Variants in LRRC4C observed in about 807,000 individuals in gnomAD.
The protein encoded by LRRC4C is leucine-rich repeat-containing protein 4C.
In LRRC4C, 5 loss-of-function variants were observed where a neutral mutation model predicts 33.6. That is an observed-to-expected ratio of 0.15 (90% CI 0.08 to 0.31). The LOEUF (loss-of-function observed/expected upper bound fraction) is 0.31, where lower values mean the gene tolerates loss of function less well. Ranked by LOEUF, LRRC4C falls within the 10% of genes least tolerant of loss-of-function variation. LRRC4C has a pLI of 1.00. For synonymous variants in LRRC4C, 329 were observed against 302.0 expected, an observed-to-expected ratio of 1.09 and a Z score of -0.93; for missense variants, 560 against 796.7, an observed-to-expected ratio of 0.70 and a Z score of 3.58.
Position 40,573,693 on chromosome 11 carries a change from AGTACATTACACAT to A in LRRC4C, c.-270+74436_-270+74448del, listed in dbSNP as rs796953876. Among the ~76,000 whole-genome samples, 10 of 152,330 alleles carry A rather than the reference AGTACATTACACAT, an allele frequency of 6.6e-5. No individual in the cohort carries two copies. In the South Asian group the frequency reaches 1.0e-3, roughly 16 times the overall value. On this transcript the variant is annotated intron_variant, in intron 3 of 6. Coordinates refer to ENST00000528697, the MANE Select transcript of LRRC4C (RefSeq NM_001258419.2). ...CCAACAAACAGGGAGCACCTAGCAC[AGTACATTACACAT>A]GAAAGATTGGCAATAAATGTATCCT...
intron 1 of LRRC4C, among the ~76,000 whole-genome samples, chr11:41,040,979 C>T (rs1416844981): frequency 6.6e-6 from 1 of 152,068 alleles, no homozygotes; most frequent in Non-Finnish European, 1.5e-5. Flanking sequence ...ACCATCACAC[C>T]ACCTGGGTTT....
chr11:40,395,311 T>A (rs1164603148), intron 3 of LRRC4C, among the ~76,000 whole-genome samples: 2 of 152,150 alleles, frequency 1.3e-5, no homozygotes, highest in Non-Finnish European at 2.9e-5. Flanking sequence ...ACTCCTACTT[T>A]GAGAGATCCT....
At chr11:41,089,587 A>G (rs542899966) in intron 1 of LRRC4C, among the ~76,000 whole-genome samples, 5 of 150,924 alleles carry the variant, frequency 3.3e-5, no homozygotes, top group African/African-American at 9.9e-5. Context: ...TAAATCTATA[A>G]TTTTTGTAAA....
intron 3 of LRRC4C, among the ~76,000 whole-genome samples, chr11:40,353,853 C>G (rs753011289): frequency 2.6e-5 from 4 of 152,134 alleles, no homozygotes; most frequent in Non-Finnish European, 5.9e-5. Flanking sequence ...TCACTGGCAC[C>G]TTATTTATTT....
chr11:41,136,462 A>T (rs1416945497), intron 1 of LRRC4C, among the ~76,000 whole-genome samples: 1 of 152,308 alleles, frequency 6.6e-6, no homozygotes, highest in East Asian at 1.9e-4. Context: ...AGTTTCCAGG[A>T]CACATTAAAT....
intron 2 of LRRC4C, among the ~76,000 whole-genome samples, chr11:40,678,072 A>C (rs146372542): frequency 5.5e-4 from 83 of 152,020 alleles, no homozygotes; most frequent in African/African-American, 1.9e-3. Context: ...GCAAACCACT[A>C]TCTTGGGGGT....
intron 3 of LRRC4C, among the ~76,000 whole-genome samples, chr11:40,474,280 C>T (rs1229142048): frequency 1.3e-5 from 2 of 152,104 alleles, no homozygotes; most frequent in Non-Finnish European, 2.9e-5. Context: ...TAATGCCACA[C>T]ATCTACAACC....
At chr11:40,739,559 TC>T (rs1948059494) in intron 2 of LRRC4C, among the ~76,000 whole-genome samples, 2 of 152,030 alleles carry the variant, frequency 1.3e-5, no homozygotes, top group South Asian at 4.2e-4. Flanking sequence ...AGACTTTGTG[TC>T]CCCACCCAAA....
chr11:40,887,117 C>G (rs1325420594), intron 2 of LRRC4C, among the ~76,000 whole-genome samples: 73 of 151,442 alleles, frequency 4.8e-4, no homozygotes, highest in Admixed American at 4.8e-3. Context: ...AGAAGCCATT[C>G]TTCATGACTA....
rs115944935 is a variant in LRRC4C at position 40,128,129 on chromosome 11, C to T, written c.-42-11795G>A. Among the ~76,000 whole-genome samples, 1,504 of 152,188 alleles carry T rather than the reference C, an allele frequency of 9.9e-3. 31 individuals are homozygous for T. The highest frequency in any genetic ancestry group is 0.033 in the African/African-American group (1,388 of 41,508). On this transcript the variant is annotated intron_variant, in intron 6 of 6. Transcript: ENST00000528697. ...TGATCTTTGGTAAATTGGCCTTCTC[C>T]GAGCTGCACCTTCCTAAGTAGGAAT...
intron 2 of LRRC4C, among the ~76,000 whole-genome samples, chr11:40,732,934 C>A (rs971354723): frequency 1.3e-5 from 2 of 151,778 alleles, no homozygotes; most frequent in African/African-American, 2.4e-5. Context: ...ATGCTAAATA[C>A]TTTGGTTTCT....
At position 40,408,421 on chromosome 11, in the gene LRRC4C, C is replaced by T. The variant is rs1950037656; in HGVS notation, c.-269-88700G>A. On this transcript the variant is annotated intron_variant, in intron 3 of 6. Coordinates refer to ENST00000528697, the MANE Select transcript of LRRC4C (RefSeq NM_001258419.2). ...GAAGCAGTTTATTTTTATCCTCGAC[C>T]AACTTTATCTTTTTTTTAACCAAGT... Among the ~76,000 whole-genome samples, 3 of 151,826 alleles carry T rather than the reference C, an allele frequency of 2.0e-5. No homozygotes were observed. The South Asian group carries it at 6.2e-4, about 31-fold the overall frequency.
chr11:40,308,686 C>A (rs1945158047), intron 4 of LRRC4C, among the ~76,000 whole-genome samples: 1 of 152,104 alleles, frequency 6.6e-6, no homozygotes, highest in Non-Finnish European at 1.5e-5. Flanking sequence ...AACCCTTGAT[C>A]CACTGAGGTG....
chr11:41,314,300 C>G (rs1950722613), intron 1 of LRRC4C, among the ~76,000 whole-genome samples: 1 of 152,008 alleles, frequency 6.6e-6, no homozygotes, highest in Non-Finnish European at 1.5e-5. Context: ...TTAAGTTTAG[C>G]CTATGAAGGA....
intron 3 of LRRC4C, among the ~76,000 whole-genome samples, chr11:40,462,221 C>A (rs1253802903): frequency 6.6e-6 from 1 of 151,926 alleles, no homozygotes; most frequent in South Asian, 2.1e-4. Flanking sequence ...TCTTTCTATT[C>A]ATAACATAAG....
Position 41,259,042 on chromosome 11 carries a change from T to C in LRRC4C, c.-496+200389A>G, listed in dbSNP as rs77901604. ...AAAGAAATTTGCTTGCTAAAAAGCA[T>C]CCGTAAGAGCAGACTATATCCTTTC... On this transcript the variant is annotated intron_variant, in intron 1 of 6. Transcript: ENST00000528697. Among the ~76,000 whole-genome samples the C allele has an allele frequency of 9.1e-3, 1,378 of 152,158 alleles. 19 individuals carry two copies. Among genetic ancestry groups the C allele is most frequent in the African/African-American group, 0.031 (1,302 of 41,544 alleles).
At chr11:41,439,880 T>C (rs573916460) in intron 1 of LRRC4C, among the ~76,000 whole-genome samples, 13 of 152,196 alleles carry the variant, frequency 8.5e-5, no homozygotes, top group Non-Finnish European at 1.5e-4. Context: ...TTGAGTTCCT[T>C]GTAGATTCTA....
chr11:40,887,114 A>C (rs1955504220), intron 2 of LRRC4C, among the ~76,000 whole-genome samples: 1 of 151,678 alleles, frequency 6.6e-6, no homozygotes, highest in Non-Finnish European at 1.5e-5. Flanking sequence ...TTAAGAAGCC[A>C]TTCTTCATGA....
chr11:40,282,999 A>G (rs1002900076), intron 4 of LRRC4C, among the ~76,000 whole-genome samples: 1 of 152,216 alleles, frequency 6.6e-6, no homozygotes, highest in African/African-American at 2.4e-5. Flanking sequence ...TAAAATTTAC[A>G]TTCTCTTCTT....
Sources: gnomAD v4.1 joint callset for allele counts (sites outside exome capture counted in the v4.1 genomes callset) on GRCh38, gnomAD v4.1.1 for gene constraint, MANE v1.5 for transcripts, NCBI Gene and HGNC (gene_info 2026-07-23, HGNC 2026-07-21) for gene names.